PARP1: variants seen among roughly 807,000 people sequenced by gnomAD.
PARP1 encodes poly [ADP-ribose] polymerase 1.
In PARP1, 44 loss-of-function variants were observed where a neutral mutation model predicts 118.7. The observed-to-expected ratio is 0.37, with a 90% CI of 0.29 to 0.48. The LOEUF is 0.48. PARP1 is among the 20% of genes least tolerant of loss of function. PARP1 has a pLI of 0.99. For missense variants in PARP1, 1,100 were observed against 1,272.4 expected (o/e 0.86, Z 2.06); for synonymous variants, 492 against 483.2 (o/e 1.02, Z -0.24).
rs772726198 is a variant in PARP1 at position 226,380,071 on chromosome 1, G to A, written c.1394C>T (p.Ser465Phe). Reference sequence around the variant, plus strand: ...GAACAACTCCTGAAGGCTCTTGGTGGAGGCGGAGACGTCCTGGAGGAAGTC... The same window carrying A: ...GAACAACTCCTGAAGGCTCTTGGTGAAGGCGGAGACGTCCTGGAGGAAGTC... Reference protein sequence around the residue: ...SEDFLQDVSASTKSLQELFLA... With the variant: ...SEDFLQDVSAFTKSLQELFLA... The change falls in exon 10 of 23, where the codon TCC becomes TTC. Residue 465 changes from serine to phenylalanine, a missense_variant. This residue lies in a region of PARP1 where 948 missense variants were observed against 1,031.8 expected (regional missense o/e 0.92). Transcript: ENST00000366794. The A allele has an allele frequency of 6.2e-7, 1 of 1,614,226 alleles. No homozygotes were observed. The highest frequency in any genetic ancestry group is 2.2e-5 in the East Asian group (1 of 44,888).
intron 2 of PARP1, among the ~76,000 whole-genome samples, chr1:226,399,123 G>A (rs938307648): frequency 6.8e-6 from 1 of 147,552 alleles, no homozygotes; most frequent in African/African-American, 2.5e-5. Context: ...TGCCAGGCTG[G>A]AGTGCAGTGG....
chr1:226,370,786 A>T, intron 14 of PARP1: 4 of 511,624 alleles, frequency 7.8e-6, no homozygotes, highest in Non-Finnish European at 1.4e-5. Flanking sequence ...AGTTTCAAAC[A>T]GTCCAGCACG....
intron 18 of PARP1, 21 bp downstream of exon 18, chr1:226,365,933 G>C (rs1664255905): frequency 2.0e-6 from 3 of 1,510,618 alleles, no homozygotes; most frequent in Admixed American, 1.7e-5. Context: ...AGAAGGAAGT[G>C]GGGGAAGAAG....
intron 14 of PARP1, chr1:226,370,904 C>T (rs1664370472): frequency 3.6e-6 from 1 of 278,836 alleles, no homozygotes; most frequent in Non-Finnish European, 7.1e-6. Context: ...GTCCCAGAGC[C>T]AAGGCAGTTA....
intron 15 of PARP1, 102 bp from the exon 16 acceptor site, chr1:226,368,423 A>G (rs1433635525): frequency 2.0e-5 from 30 of 1,473,706 alleles, no homozygotes; most frequent in African/African-American, 1.4e-5. Flanking sequence ...CAGGTCCAGA[A>G]GTAGCGTGGT....
rs777936258 is a variant in PARP1 at position 226,390,509 on chromosome 1, CG to C, written c.517del (p.Arg173GlyfsTer23). 4 of 1,614,168 alleles carry C rather than the reference CG, an allele frequency of 2.5e-6. No homozygotes were observed. In the Admixed American group the frequency reaches 5.0e-5, roughly 20 times the overall value. On this transcript the variant is annotated frameshift_variant, in exon 4 of 23. Coordinates refer to ENST00000366794, the MANE Select transcript of PARP1 (RefSeq NM_001618.4). LOFTEE classifies it high-confidence loss of function. ...GAGCTGACTCGCACTGTACTCGGGCCGGAAACCCAGCTCCTCCCTGTTCTTG... is the reference window on the plus strand; with the variant it reads ...GAGCTGACTCGCACTGTACTCGGGCCGAAACCCAGCTCCTCCCTGTTCTTG... ...FVKNREELGF[R>X]PEYSASQLKG... is the part of the protein sequence containing the mutation.
At position 226,360,828 on chromosome 1, in the gene PARP1, T is replaced by C. The variant is rs1234537036; in HGVS notation, c.*632A>G. Reference sequence around the variant, plus strand: ...TTCAAATGCAACTTTTAATACTACATATTTCAAGAGCTCCCATGTTCAGTA... The same window carrying C: ...TTCAAATGCAACTTTTAATACTACACATTTCAAGAGCTCCCATGTTCAGTA... On this transcript the variant is annotated 3_prime_UTR_variant, in exon 23 of 23. Coordinates refer to ENST00000366794, the MANE Select transcript of PARP1 (RefSeq NM_001618.4). The C allele has an allele frequency of 4.4e-6, 1 of 228,418 alleles. No individual in the cohort carries two copies. The highest frequency in any genetic ancestry group is 8.7e-6 in the Non-Finnish European group (1 of 115,034). The allele number at this position is 228,418 out of a possible 1,614,324, so 14.1% of individuals were successfully genotyped here. A position where few individuals can be genotyped will look rare whatever the true frequency, so the allele number is the denominator to read the frequency against.
chr1:226,407,967 G>C lies in PARP1; in HGVS notation c.-38C>G. ...GCCGCCAAAGCTCCGGAAGCCCGAC[G>C]CCACGACCTAGAAACACGCTGCCGC... On this transcript the variant is annotated 5_prime_UTR_variant, in exon 1 of 23. Transcript: ENST00000366794. 6.2e-7 allele frequency: 1 copy of C among 1,611,264 alleles called. No homozygotes were observed. Among genetic ancestry groups the C allele is most frequent in the South Asian group, 1.1e-5 (1 of 91,002 alleles).
At position 226,390,499 on chromosome 1, in the gene PARP1, G is replaced by A. The variant is rs2102741077; in HGVS notation, c.528C>T (p.Tyr176=). ...TGAAGCCCTTGAGCTGACTCGCACT[G>A]TACTCGGGCCGGAAACCCAGCTCCT... ...NREELGFRPE[Y]SASQLKGFSL... Residue 176 remains tyrosine (Y), a synonymous_variant, in exon 4 of 23, where the codon TAC becomes TAT. Transcript: ENST00000366794. The A allele has an allele frequency of 6.2e-7, 1 of 1,614,170 alleles. No individual in the cohort carries two copies. Among genetic ancestry groups the A allele is most frequent in the African/African-American group, 1.3e-5 (1 of 75,018 alleles).
chr1:226,394,792 G>C (rs796869779), intron 2 of PARP1, among the ~76,000 whole-genome samples: 4 of 152,194 alleles, frequency 2.6e-5, no homozygotes, highest in African/African-American at 9.6e-5. Flanking sequence ...AAGAAAAAAA[G>C]ACAGACTGGA....
At chr1:226,374,476 G>T in intron 13 of PARP1, 122 bp from the exon 14 acceptor site, 1 of 1,133,284 alleles carries the variant, frequency 8.8e-7, no homozygotes. Flanking sequence ...AAAAAAAGCT[G>T]AGTGTTAATC....
chr1:226,365,147 T>TTAAAGA lies in PARP1; in HGVS notation c.2507_2512dup (p.Ile836_Phe837dup). 1 of 1,614,166 alleles carries TTAAAGA rather than the reference T, an allele frequency of 6.2e-7. No homozygotes were observed. The highest frequency in any genetic ancestry group is 8.5e-7 in the Non-Finnish European group (1 of 1,180,028). ...CTGGCATTCGCCTTCACGCTCTATC[T>TTAAAGA]TAAAGATCTGGTTGGAGTAGTAAAC... is the stretch of plus-strand genomic sequence containing the variant. On this transcript the variant is annotated inframe_insertion, in exon 19 of 23. Transcript: ENST00000366794.
chr1:226,397,725 G>T (rs1664952364), intron 2 of PARP1, among the ~76,000 whole-genome samples: 1 of 152,136 alleles, frequency 6.6e-6, no homozygotes, highest in Non-Finnish European at 1.5e-5. Context: ...TGCCATGACA[G>T]TAACAAGGTT....
chr1:226,397,198 G>A (rs1664941131), intron 2 of PARP1, among the ~76,000 whole-genome samples: 2 of 150,314 alleles, frequency 1.3e-5, no homozygotes, highest in Admixed American at 6.6e-5. Context: ...TTGGGCAACT[G>A]TAGTCCTAGC....
At chr1:226,377,517 G>A (rs1440905526) in intron 12 of PARP1, among the ~76,000 whole-genome samples, 1 of 152,152 alleles carries the variant, frequency 6.6e-6, no homozygotes, top group Non-Finnish European at 1.5e-5. Context: ...TACAAAAAAT[G>A]CCAAAGAATA....
chr1:226,365,820 T>G (rs1664253393), intron 18 of PARP1, 134 bp downstream of exon 18: 1 of 661,552 alleles, frequency 1.5e-6, no homozygotes, highest in Non-Finnish European at 2.7e-6. Flanking sequence ...ATTTTTCTGC[T>G]GAACAAATGA....
intron 15 of PARP1, among the ~76,000 whole-genome samples, chr1:226,370,168 T>A (rs1664351002): frequency 6.6e-6 from 1 of 152,000 alleles, no homozygotes; most frequent in Non-Finnish European, 1.5e-5. Context: ...ACAGAGAGGG[T>A]AACCAACGTC....
intron 3 of PARP1, 28 bp downstream of exon 3, chr1:226,392,171 T>G (rs1425165584): frequency 7.1e-7 from 1 of 1,413,032 alleles, no homozygotes; most frequent in East Asian, 2.3e-5. Flanking sequence ...TCCATAAAGT[T>G]CAGGGATCTG....
intron 14 of PARP1, among the ~76,000 whole-genome samples, chr1:226,371,327 T>C (rs1381093149): frequency 1.3e-5 from 2 of 152,214 alleles, no homozygotes; most frequent in South Asian, 2.1e-4. Context: ...CTGGGGGCCG[T>C]GACTGCGCCT....
Sources: gnomAD v4.1 joint callset for allele counts (sites outside exome capture counted in the v4.1 genomes callset) on GRCh38, gnomAD v4.1.1 for gene constraint, gnomAD v4.1.1 regional missense constraint, MANE v1.5 for transcripts, NCBI Gene and HGNC (gene_info 2026-07-23, HGNC 2026-07-21) for gene names.